The following CALN1 variants were observed in gnomAD, a reference collection of about 807,000 sequenced individuals.
CALN1 encodes calneuron 1, also known as calcium-binding protein 8.
CALN1 carries 17 observed loss-of-function variants against 30.6 expected under a neutral mutation model. That is an observed-to-expected ratio of 0.56 (90% CI 0.38 to 0.83). The LOEUF (loss-of-function observed/expected upper bound fraction) is 0.83, where lower values mean the gene tolerates loss of function less well. Ranked by LOEUF, CALN1 falls within the 40% of genes least tolerant of loss-of-function variation. The pLI, the probability that CALN1 is intolerant of heterozygous loss-of-function variation, is 0.00. For missense variants in CALN1, 291 were observed against 354.9 expected (o/e 0.82, Z 1.45); for synonymous variants, 156 against 131.4 (o/e 1.19, Z -1.28).
intron 1 of CALN1, among the ~76,000 whole-genome samples, chr7:72,421,489 A>G (rs1807606112): frequency 1.3e-5 from 2 of 150,644 alleles, no homozygotes; most frequent in South Asian, 2.1e-4. Context: ...TATCTTTTAC[A>G]TGAACTCTCA....
chr7:72,390,876 G>T (rs920647957), intron 2 of CALN1, among the ~76,000 whole-genome samples: 2 of 152,002 alleles, frequency 1.3e-5, no homozygotes, highest in Admixed American at 1.3e-4. Context: ...TCCCTTTGTT[G>T]TTACCTCAAG....
chr7:72,289,076 G>A (rs978515452), intron 2 of CALN1, among the ~76,000 whole-genome samples: 1 of 152,170 alleles, frequency 6.6e-6, no homozygotes, highest in African/African-American at 2.4e-5. Context: ...GGTTAACCTA[G>A]TAGAGAATTA....
intron 2 of CALN1, among the ~76,000 whole-genome samples, chr7:72,383,729 T>C (rs1298399046): frequency 6.6e-6 from 1 of 152,234 alleles, no homozygotes; most frequent in Non-Finnish European, 1.5e-5. Flanking sequence ...TCTGAAAATT[T>C]GTTCCTACCC....
chr7:72,456,061 G>A, the CALN1 span, among the ~76,000 whole-genome samples: 1 of 152,094 alleles, frequency 6.6e-6, no homozygotes, highest in African/African-American at 2.4e-5. Flanking sequence ...GCACGCACAT[G>A]TAGTCCCAGC....
At chr7:71,815,876 C>T (rs1161761325) in intron 5 of CALN1, among the ~76,000 whole-genome samples, 2 of 141,370 alleles carry the variant, frequency 1.4e-5, no homozygotes, top group African/African-American at 5.2e-5. Context: ...CCTTCCTTCC[C>T]TCCTTCCTCT....
chr7:71,797,702 T>C (rs886331355), intron 6 of CALN1, among the ~76,000 whole-genome samples: 1 of 152,206 alleles, frequency 6.6e-6, no homozygotes, highest in Non-Finnish European at 1.5e-5. Flanking sequence ...CAATGAACTC[T>C]GGTGCAGTAG....
intron 2 of CALN1, among the ~76,000 whole-genome samples, chr7:72,396,446 A>G (rs1233408122): frequency 1.3e-5 from 2 of 151,716 alleles, no homozygotes; most frequent in East Asian, 3.9e-4. Flanking sequence ...AAGGAAACAA[A>G]AAGTGGAGAA....
chr7:72,475,353 G>A, the CALN1 span, among the ~76,000 whole-genome samples: 1 of 152,116 alleles, frequency 6.6e-6, no homozygotes, highest in South Asian at 2.1e-4. Context: ...TATTCAGGAG[G>A]CTGAGGCAGG....
chr7:72,009,657 G>A (rs1164360178), intron 5 of CALN1, among the ~76,000 whole-genome samples: 1 of 152,158 alleles, frequency 6.6e-6, no homozygotes, highest in Admixed American at 6.5e-5. Context: ...ACCATCCCTG[G>A]GGGAGATCAT....
chr7:72,369,833 T>G lies in CALN1; in HGVS notation c.119+33418A>C, dbSNP rs576081497. ...TGGTTTTCTGAGTCGTATTCCATTGTATGAATACACCACAATTTGTTAATC... is the reference window on the plus strand; with the variant it reads ...TGGTTTTCTGAGTCGTATTCCATTGGATGAATACACCACAATTTGTTAATC... On this transcript the variant is annotated intron_variant, in intron 2 of 6. Coordinates refer to ENST00000395275, the MANE Select transcript of CALN1 (RefSeq NM_031468.4). 1.4e-4 allele frequency among the ~76,000 whole-genome samples: 22 copies of G among 152,326 alleles called. 1 individual carries two copies. Among genetic ancestry groups the G allele is most frequent in the Admixed American group, 1.3e-3 (20 of 15,300 alleles).
rs565544350 is a variant in CALN1 at position 72,168,861 on chromosome 7, A to G, written c.245-62567T>C. On this transcript the variant is annotated intron_variant, in intron 3 of 6. Coordinates refer to ENST00000395275, the MANE Select transcript of CALN1 (RefSeq NM_031468.4). ...ACTCTTCTCAACCAGGCTGGAGTGC[A>G]GTGATGACACTGCGGCTCATTGCAA... Among the ~76,000 whole-genome samples the G allele has an allele frequency of 3.8e-4, 55 of 145,454 alleles. No homozygotes were observed. In the East Asian group the frequency reaches 9.9e-3, roughly 26 times the overall value.
intron 3 of CALN1, among the ~76,000 whole-genome samples, chr7:72,257,689 T>C (rs368812480): frequency 2.0e-5 from 3 of 152,268 alleles, no homozygotes; most frequent in African/African-American, 7.2e-5. Flanking sequence ...AGTTCGCAAC[T>C]GCAAAAATGT....
chr7:72,251,286 C>A (rs1795538370), intron 3 of CALN1, among the ~76,000 whole-genome samples: 1 of 152,168 alleles, frequency 6.6e-6, no homozygotes, highest in African/African-American at 2.4e-5. Flanking sequence ...TCATTCTGCC[C>A]TTTATTATAC....
At position 72,302,347 on chromosome 7, in the gene CALN1, A is replaced by G. The variant is rs920988099; in HGVS notation, c.120-23537T>C. On this transcript the variant is annotated intron_variant, in intron 2 of 6. Transcript: ENST00000395275. ...AAAGCCCTAGAGGAAGGAACGGACA[A>G]CGTTTTAATGAATGGCGATCATGCT... 7.2e-5 allele frequency among the ~76,000 whole-genome samples: 11 copies of G among 152,226 alleles called. No individual in the cohort carries two copies. In the East Asian group the frequency reaches 1.7e-3, roughly 24 times the overall value.
intron 5 of CALN1, among the ~76,000 whole-genome samples, chr7:71,894,178 T>C (rs1793410043): frequency 6.6e-6 from 1 of 152,234 alleles, no homozygotes; most frequent in African/African-American, 2.4e-5. Flanking sequence ...CTGATGTCTT[T>C]ATTTATAAAC....
At chr7:72,369,034 C>T (rs557620879) in intron 2 of CALN1, among the ~76,000 whole-genome samples, 18 of 151,288 alleles carry the variant, frequency 1.2e-4, no homozygotes, top group Non-Finnish European at 2.1e-4. Flanking sequence ...AGGCTGATCT[C>T]GAACTCCTGA....
chr7:72,120,187 GA>G (rs202143978), intron 3 of CALN1, among the ~76,000 whole-genome samples: 32 of 150,472 alleles, frequency 2.1e-4, no homozygotes, highest in African/African-American at 5.1e-4. Context: ...AATGTATATA[GA>G]AAAAAAAATT....
intron 2 of CALN1, chr7:72,336,849 C>CA: frequency 1.0e-6 from 1 of 985,080 alleles, no homozygotes; most frequent in Non-Finnish European, 1.2e-6. Flanking sequence ...ACACCCCCAG[C>CA]AGGCAGCCGC....
At chr7:72,300,154 A>G (rs533140568) in intron 2 of CALN1, among the ~76,000 whole-genome samples, 108 of 152,312 alleles carry the variant, frequency 7.1e-4, no homozygotes, top group Non-Finnish European at 1.1e-3. Context: ...TGCTGGGATT[A>G]CAGGCATGAG....
Sources: allele counts gnomAD v4.1 joint callset (sites outside exome capture counted in the v4.1 genomes callset), GRCh38; gene constraint gnomAD v4.1.1; transcripts MANE v1.5; gene names NCBI Gene and HGNC (gene_info 2026-07-23, HGNC 2026-07-21).